Variants in GOLGA8S observed in about 807,000 individuals in gnomAD.
GOLGA8S encodes the protein golgin A8 family member S, also known as golgin subfamily A member 8S.
A neutral mutation model predicts 58.9 loss-of-function variants in GOLGA8S; 23 were observed. The observed-to-expected ratio is 0.39, with a 90% CI of 0.28 to 0.55. The LOEUF (loss-of-function observed/expected upper bound fraction) is 0.55. GOLGA8S is among the 20% of genes least tolerant of loss of function. The pLI is 0.63. For missense variants in GOLGA8S, 266 were observed against 514.2 expected (o/e 0.52, Z 4.67); for synonymous variants, 84 against 195.7 (o/e 0.43, Z 4.76).
At chr15:23,365,199 T>C (rs536331443), downstream of GOLGA8S, 26 of 1,434,832 alleles carry the variant, frequency 1.8e-5, no homozygotes, top group South Asian at 2.7e-4. Flanking sequence ...ATGGGGTTAA[T>C]CTCCTACACA....
intron 2 of GOLGA8S, among the ~76,000 whole-genome samples, chr15:23,357,010 ACC>A (rs2069696964): frequency 1.5e-5 from 1 of 68,878 alleles, no homozygotes; most frequent in African/African-American, 5.2e-5. Context: ...CACCCAGAAC[ACC>A]CAGGATATGG....
In GOLGA8S at chr15:23,361,309, G is replaced by A. The variant is rs769627841; in HGVS notation, c.963G>A (p.Ala321=). ...AGGAACTAGAGAGAGTGGCAGGAGC[G>A]CTCCAGGCCCAGGTGGAGTACAATC... The change falls in exon 12 of 19, where the codon GCG becomes GCA. Residue 321 remains alanine (A), a synonymous_variant. Transcript: ENST00000562295. The A allele has an allele frequency of 3.4e-4, 455 of 1,327,256 alleles. 8 individuals carry two copies. Among genetic ancestry groups the A allele is most frequent in the East Asian group, 4.3e-4 (19 of 43,962 alleles). 82.2% of individuals were successfully genotyped at this position (1,327,256 alleles called of 1,614,324 possible).
In GOLGA8S at chr15:23,364,454, G is replaced by C. The variant is rs929034290; in HGVS notation, c.1448+11G>C. The C allele has an allele frequency of 1.2e-6, 2 of 1,604,580 alleles. No individual in the cohort carries two copies. Among genetic ancestry groups the C allele is most frequent in the African/African-American group, 2.7e-5 (2 of 74,806 alleles). ...AGAGAGATGCCATCAGTGAGTGGGA[G>C]GCCAGGGCACAGCAGGGGGAGCTAC... On this transcript the variant is annotated intron_variant, in intron 16 of 18. Transcript: ENST00000562295.
chr15:23,367,998 C>G (rs2069948061), downstream of GOLGA8S, among the ~76,000 whole-genome samples: 2 of 151,774 alleles, frequency 1.3e-5, no homozygotes, highest in Non-Finnish European at 2.9e-5. Flanking sequence ...TTCTCTAAAA[C>G]TTTATCTTAG....
intron 8 of GOLGA8S, among the ~76,000 whole-genome samples, chr15:23,359,867 T>C (rs1311378383): frequency 6.8e-6 from 1 of 146,424 alleles, no homozygotes; most frequent in African/African-American, 2.6e-5. Flanking sequence ...CTCCATGTTT[T>C]TTCATCTACA....
chr15:23,359,938 T>C (rs1263564822), intron 8 of GOLGA8S, among the ~76,000 whole-genome samples: 1 of 149,250 alleles, frequency 6.7e-6, no homozygotes, highest in African/African-American at 2.5e-5. Flanking sequence ...ATGGGATTGC[T>C]AGCATGGTAT....
chr15:23,365,331 C>T (rs2141031610), downstream of GOLGA8S: 2 of 639,686 alleles, frequency 3.1e-6, no homozygotes, highest in Non-Finnish European at 5.3e-6. Context: ...CACTGATGTT[C>T]ACTCTGGCAT....
downstream of GOLGA8S, among the ~76,000 whole-genome samples, chr15:23,368,214 G>A (rs561787302): frequency 1.9e-3 from 289 of 152,040 alleles, 2 homozygotes; most frequent in African/African-American, 6.7e-3. Flanking sequence ...GTGAATTCTT[G>A]TAAACAGAAT....
intron 8 of GOLGA8S, among the ~76,000 whole-genome samples, 186 bp downstream of exon 8, chr15:23,359,395 G>T (rs1468255594): frequency 6.8e-6 from 1 of 146,282 alleles, no homozygotes; most frequent in African/African-American, 2.6e-5. Context: ...TGAGTTGGGG[G>T]GCACTCTGGG....
Position 23,364,428 on chromosome 15 carries a change from A to G in GOLGA8S, c.1433A>G (p.Gln478Arg), listed in dbSNP as rs4036683. 5,730 of 1,602,432 alleles carry G rather than the reference A, an allele frequency of 3.6e-3. 158 individuals carry two copies. In the African/African-American group the frequency reaches 0.06, roughly 17 times the overall value. The stretch of plus-strand genomic sequence containing the variant: ...GAACTTCGCTTCATTCAATACTGGC[A>G]AGAGAGATGCCATCAGTGAGTGGGA... Residue 478 changes from glutamine (Q) to arginine (R), a missense_variant, in exon 16 of 19, where the codon CAA (glutamine) becomes CGA (arginine). Transcript: ENST00000562295.
chr15:23,364,201 A>G, intron 15 of GOLGA8S, 142 bp from the exon 16 acceptor site: 2 of 1,468,760 alleles, frequency 1.4e-6, no homozygotes, highest in South Asian at 1.3e-5. Flanking sequence ...CGAGTCTGTG[A>G]GTGGGGAGAC....
chr15:23,364,367 G>T lies in GOLGA8S; in HGVS notation c.1372G>T (p.Glu458Ter), dbSNP rs768356476. The change falls in exon 16 of 19, where the codon GAG (glutamate) becomes TAG (stop). Residue 458 changes from glutamate to a stop codon, truncating the protein, a stop_gained. Coordinates refer to ENST00000562295, the Ensembl canonical transcript of GOLGA8S. LOFTEE classifies it high-confidence loss of function. ...GAGCAGCTTTATGGACCACCTGGAG[G>T]AGAAGGCAGACCTGAGTGAGCTGGT... 1 of 1,602,978 alleles carries T rather than the reference G, an allele frequency of 6.2e-7. No homozygotes were observed. Among genetic ancestry groups the T allele is most frequent in the South Asian group, 1.1e-5 (1 of 90,648 alleles).
At position 23,363,247 on chromosome 15, in the gene GOLGA8S, G is replaced by T; in HGVS notation, c.1255+7G>T. 1.7e-6 allele frequency: 1 copy of T among 583,706 alleles called. No individual in the cohort carries two copies. Among genetic ancestry groups the T allele is most frequent in the Non-Finnish European group, 3.0e-6 (1 of 335,930 alleles). 36.2% of individuals were successfully genotyped at this position (583,706 alleles called of 1,614,324 possible). On this transcript the variant is annotated splice_region_variant and intron_variant, in intron 14 of 18. Transcript: ENST00000562295. Reference sequence around the variant, plus strand: ...ATGGCTCTCCCTGGGGAAGGTACGGGAGACCGCTCAGAGGAAGAGGAGAGA... The same window carrying T: ...ATGGCTCTCCCTGGGGAAGGTACGGTAGACCGCTCAGAGGAAGAGGAGAGA...
At chr15:23,357,815 C>T (rs1225086218) in intron 4 of GOLGA8S, among the ~76,000 whole-genome samples, 196 bp downstream of exon 4, 1 of 149,594 alleles carries the variant, frequency 6.7e-6, no homozygotes, top group Non-Finnish European at 1.5e-5. Context: ...GCTGACTCTC[C>T]CCTCTCCAGA....
rs1433853907 is a variant in GOLGA8S at position 23,359,334 on chromosome 15, T to C, written c.591+125T>C. On this transcript the variant is annotated intron_variant, in intron 8 of 18. Coordinates refer to ENST00000562295, the Ensembl canonical transcript of GOLGA8S. ...AGGCAGCATGGCCATTTCTCACTGC[T>C]TTTTTGTATGGTTGTTAGCGGCAGC... The C allele has an allele frequency of 4.6e-6, 3 of 656,826 alleles. No homozygotes were observed. The Admixed American group carries it at 6.4e-5, about 14-fold the overall frequency. 40.7% of individuals were successfully genotyped at this position (656,826 alleles called of 1,614,324 possible). A position where few individuals can be genotyped will look rare whatever the true frequency, so the allele number is the denominator to read the frequency against.
Position 23,364,630 on chromosome 15 carries a change from T to C in GOLGA8S, c.1546+7T>C. ...GCTCAGGGAGGAGATGAAGGTAGGG[T>C]GTGCAACATCTCTGTGGGGGTGGGG... is the stretch of plus-strand genomic sequence containing the variant. On this transcript the variant is annotated splice_region_variant and intron_variant, in intron 17 of 18. Transcript: ENST00000562295. 1.4e-5 allele frequency: 17 copies of C among 1,236,008 alleles called. No homozygotes were observed. Among genetic ancestry groups the C allele is most frequent in the Non-Finnish European group, 1.6e-5 (15 of 920,340 alleles). The allele number at this position is 1,236,008 out of a possible 1,614,324, so 76.6% of individuals were successfully genotyped here.
rs534662594 is a variant in GOLGA8S, at chr15:23,361,241, C to T, written c.895C>T (p.Pro299Ser). 78 of 1,494,186 alleles carry T rather than the reference C, an allele frequency of 5.2e-5. 1 individual carries two copies. The African/African-American group carries it at 9.9e-4, about 19-fold the overall frequency. 92.6% of individuals were successfully genotyped at this position (1,494,186 alleles called of 1,614,324 possible). ...CTCAGCTGAACCTCTGCCCCCGGAG[C>T]CCCCAGCAGTGCCCTCTGAGGCGGA... Residue 299 changes from proline to serine, a missense_variant, in exon 12 of 19, where the codon CCC becomes TCC. Pro to Ser is a moderately conservative substitution (Grantham distance 74). Around this residue, in one of 6 missense-constraint regions of GOLGA8S, gnomAD observed 114 missense variants for 120.7 expected, o/e 0.94. Transcript: ENST00000562295.
At chr15:23,357,946 T>C (rs1376681902) in intron 4 of GOLGA8S, among the ~76,000 whole-genome samples, 1 of 150,010 alleles carries the variant, frequency 6.7e-6, no homozygotes, top group East Asian at 1.9e-4. Flanking sequence ...AATTTGCTCT[T>C]TGATTCTGGA....
In GOLGA8S at chr15:23,361,081, C is replaced by A. The variant is rs1005825835; in HGVS notation, c.875-140C>A. 15 of 873,324 alleles carry A rather than the reference C, an allele frequency of 1.7e-5. 1 individual carries two copies. The highest frequency in any genetic ancestry group is 3.6e-4 in the Middle Eastern group (1 of 2,804). 54.1% of individuals were successfully genotyped at this position (873,324 alleles called of 1,614,324 possible). On this transcript the variant is annotated intron_variant, in intron 11 of 18. Transcript: ENST00000562295. ...CCATCTGGGTGCGAGGAATCATTAG[C>A]AGTGAGGCCAAGTTTGAGGAGCCGG... is the stretch of plus-strand genomic sequence containing the variant.
Sources: allele counts gnomAD v4.1 joint callset (sites outside exome capture counted in the v4.1 genomes callset), GRCh38; gene constraint gnomAD v4.1.1; regional missense constraint gnomAD v4.1.1; transcripts MANE v1.5; gene names NCBI Gene and HGNC (gene_info 2026-07-23, HGNC 2026-07-21).